ULK4: variants seen among roughly 807,000 people sequenced by gnomAD.
The protein encoded by ULK4 is inactive serine/threonine-protein kinase ULK4.
A neutral mutation model predicts 160.6 loss-of-function variants in ULK4; 133 were observed. The observed-to-expected ratio is 0.83, with a 90% CI of 0.72 to 0.96. The LOEUF (loss-of-function observed/expected upper bound fraction) is 0.96. ULK4 is among the 40% of genes least tolerant of loss of function. ULK4 has a pLI of 0.00. For synonymous variants in ULK4, 534 were observed against 539.8 expected, an observed-to-expected ratio of 0.99 and a Z score of 0.15; for missense variants, 1,580 against 1,499.5, an observed-to-expected ratio of 1.05 and a Z score of -0.89.
chr3:41,826,788 A>T (rs144418074), intron 18 of ULK4, among the ~76,000 whole-genome samples: 34,502 of 133,078 alleles, frequency 0.26, 7,907 homozygotes, highest in African/African-American at 0.62. Flanking sequence ...GGAATTGAAC[A>T]CAGCTATGCA....
chr3:41,936,810 G>A (rs1435490733), intron 3 of ULK4, among the ~76,000 whole-genome samples: 3 of 152,010 alleles, frequency 2.0e-5, no homozygotes, highest in Non-Finnish European at 4.4e-5. Context: ...ATGGTTAATG[G>A]GTACAAATAA....
intron 17 of ULK4, among the ~76,000 whole-genome samples, chr3:41,856,383 T>A (rs1252363269): frequency 3.3e-5 from 5 of 151,094 alleles, no homozygotes; most frequent in Non-Finnish European, 7.4e-5. Context: ...AAACACTGTG[T>A]CTGATGTAAA....
chr3:41,556,487 C>CTTTTTTTT (rs34888775), intron 32 of ULK4, among the ~76,000 whole-genome samples: 4 of 117,082 alleles, frequency 3.4e-5, no homozygotes, highest in Admixed American at 1.0e-4. Context: ...CTCTACCAAA[C>CTTTTTTTT]TTTTTTTTTT....
chr3:41,566,355 C>G (rs757809555), intron 31 of ULK4, among the ~76,000 whole-genome samples: 1 of 152,194 alleles, frequency 6.6e-6, no homozygotes, highest in Non-Finnish European at 1.5e-5. Flanking sequence ...TGCTGCAGCA[C>G]AGACTTCCCT....
chr3:41,818,758 C>T (rs893404910), intron 19 of ULK4, among the ~76,000 whole-genome samples: 1 of 152,168 alleles, frequency 6.6e-6, no homozygotes, highest in African/African-American at 2.4e-5. Context: ...AATGTTTTCA[C>T]CCTATGGCTT....
chr3:41,548,131 A>C (rs1313889604), intron 32 of ULK4, among the ~76,000 whole-genome samples: 1 of 152,128 alleles, frequency 6.6e-6, no homozygotes, highest in African/African-American at 2.4e-5. Context: ...ACCATACAGG[A>C]ACCTGGGGAA....
chr3:41,733,725 ATTTTT>A (rs778572755), intron 22 of ULK4, among the ~76,000 whole-genome samples: 8 of 93,596 alleles, frequency 8.5e-5, no homozygotes, highest in Admixed American at 7.4e-4. Context: ...TAAACACATG[ATTTTT>A]TTTTTTTTTT....
chr3:41,516,263 T>A (rs2085744698), intron 32 of ULK4, among the ~76,000 whole-genome samples: 1 of 152,194 alleles, frequency 6.6e-6, no homozygotes, highest in South Asian at 2.1e-4. Context: ...GTAACTGGTG[T>A]ACAGATTTGA....
At chr3:41,940,468 A>G (rs1699915410) in intron 2 of ULK4, among the ~76,000 whole-genome samples, 1 of 152,130 alleles carries the variant, frequency 6.6e-6, no homozygotes, top group African/African-American at 2.4e-5. Context: ...ACAAGCCTGG[A>G]CAATATAGTA....
At chr3:41,274,106 T>C (rs2079187944) in intron 35 of ULK4, among the ~76,000 whole-genome samples, 1 of 152,172 alleles carries the variant, frequency 6.6e-6, no homozygotes, top group South Asian at 2.1e-4. Context: ...GGCAGTAAGC[T>C]GAGGCAATCA....
At chr3:41,413,610 A>G (rs926154915) in intron 34 of ULK4, among the ~76,000 whole-genome samples, 1 of 152,194 alleles carries the variant, frequency 6.6e-6, no homozygotes, top group Non-Finnish European at 1.5e-5. Context: ...ACCCTTAACC[A>G]GAAAATCTTT....
At chr3:41,387,851 C>T (rs1575499262) in intron 35 of ULK4, among the ~76,000 whole-genome samples, 2 of 152,090 alleles carry the variant, frequency 1.3e-5, no homozygotes, top group South Asian at 2.1e-4. Context: ...CATGTGTCTT[C>T]ATAGCAGCAT....
At chr3:41,906,135 T>C (rs1305841695) in intron 12 of ULK4, among the ~76,000 whole-genome samples, 1 of 142,756 alleles carries the variant, frequency 7.0e-6, no homozygotes, top group Admixed American at 7.6e-5. Flanking sequence ...GAGAATGGCG[T>C]GAACCCGGGA....
chr3:41,460,077 T>G (rs1575252737), intron 33 of ULK4, among the ~76,000 whole-genome samples: 1 of 152,110 alleles, frequency 6.6e-6, no homozygotes, highest in Non-Finnish European at 1.5e-5. Context: ...TTATAAGAGA[T>G]GCTAAAAACA....
chr3:41,384,118 C>A (rs1559559260), intron 35 of ULK4, among the ~76,000 whole-genome samples: 1 of 152,096 alleles, frequency 6.6e-6, no homozygotes, highest in Non-Finnish European at 1.5e-5. Context: ...GCCCTCTTAA[C>A]CAAGCAATTA....
intron 19 of ULK4, among the ~76,000 whole-genome samples, chr3:41,801,744 G>C (rs1300268500): frequency 1.3e-5 from 2 of 152,000 alleles, no homozygotes; most frequent in African/African-American, 4.8e-5. Context: ...CCAGCCACCT[G>C]GGAGGCTGAG....
rs1685800281 is a variant in ULK4, at chr3:41,715,283, G to A, written c.2588C>T (p.Pro863Leu). Residue 863 changes from proline to leucine, a missense_variant, in exon 25 of 37, where the codon CCT (proline) becomes CTT (leucine). By Grantham distance (98) the Pro-to-Leu change is moderately conservative (BLOSUM62 -3). Transcript: ENST00000301831. ...AAGAAACTCTTCTGTCACAACTTGA[G>A]GTCGAAATACCTGTGTGATGAGAGT... is the stretch of plus-strand genomic sequence containing the variant. ...LHLVTSQVFR[P>L]QVVTEEFLFS... is the part of the protein sequence containing the mutation. 6.2e-7 allele frequency: 1 copy of A among 1,613,768 alleles called. No homozygotes were observed. Among genetic ancestry groups the A allele is most frequent in the Non-Finnish European group, 8.5e-7 (1 of 1,179,962 alleles).
chr3:41,331,636 T>C (rs1359640908), intron 35 of ULK4, among the ~76,000 whole-genome samples: 1 of 152,216 alleles, frequency 6.6e-6, no homozygotes, highest in Admixed American at 6.5e-5. Context: ...TTTTACAGAT[T>C]CAAGGTAGAA....
At chr3:41,272,248 G>C (rs986081262) in intron 35 of ULK4, among the ~76,000 whole-genome samples, 34 of 151,506 alleles carry the variant, frequency 2.2e-4, no homozygotes, top group Non-Finnish European at 4.6e-4. Context: ...TTTTCCTTCT[G>C]CCTGAAGGGC....
Sources: gnomAD v4.1 joint callset for allele counts (sites outside exome capture counted in the v4.1 genomes callset) on GRCh38, gnomAD v4.1.1 for gene constraint, MANE v1.5 for transcripts, NCBI Gene and HGNC (gene_info 2026-07-23, HGNC 2026-07-21) for gene names.